The following ATXN1 variants were observed in gnomAD, a reference collection of about 807,000 sequenced individuals.
The protein encoded by ATXN1 is ataxin 1, also known as ataxin-1.
In ATXN1, 8 loss-of-function variants were observed where a neutral mutation model predicts 56.4. That is an observed-to-expected ratio of 0.14 (90% CI 0.08 to 0.26). The LOEUF (loss-of-function observed/expected upper bound fraction) is 0.26, where lower values mean the gene tolerates loss of function less well. Ranked by LOEUF, ATXN1 falls within the 10% of genes least tolerant of loss-of-function variation. ATXN1 has a pLI of 1.00. For synonymous variants in ATXN1, 514 were observed against 494.6 expected, an observed-to-expected ratio of 1.04 and a Z score of -0.52; for missense variants, 987 against 1,106.5, an observed-to-expected ratio of 0.89 and a Z score of 1.53.
At chr6:16,680,563 G>A (rs551976896) in intron 2 of ATXN1, among the ~76,000 whole-genome samples, 4 of 152,186 alleles carry the variant, frequency 2.6e-5, no homozygotes, top group Non-Finnish European at 5.9e-5. Flanking sequence ...TGGGGCAGGG[G>A]TGAGGCATCA....
intron 6 of ATXN1, among the ~76,000 whole-genome samples, chr6:16,350,038 C>T (rs1276011269): frequency 2.0e-5 from 3 of 152,132 alleles, no homozygotes; most frequent in African/African-American, 4.8e-5. Context: ...ATATGACTAA[C>T]GATTTAATTT....
intron 6 of ATXN1, among the ~76,000 whole-genome samples, chr6:16,354,798 G>T (rs1205891254): frequency 6.6e-6 from 1 of 152,128 alleles, no homozygotes; most frequent in East Asian, 1.9e-4. Flanking sequence ...TTTGTGATGG[G>T]TACAAGAAAT....
intron 6 of ATXN1, among the ~76,000 whole-genome samples, chr6:16,343,300 C>T (rs1338828472): frequency 6.6e-6 from 1 of 152,178 alleles, no homozygotes; most frequent in Non-Finnish European, 1.5e-5. Flanking sequence ...GCTGAGATCG[C>T]ACCACTGCAC....
intron 6 of ATXN1, among the ~76,000 whole-genome samples, chr6:16,397,931 C>A (rs1758489397): frequency 1.3e-5 from 2 of 152,190 alleles, no homozygotes; most frequent in East Asian, 3.8e-4. Flanking sequence ...TGTTGAGTTT[C>A]ATTGTCCCTG....
chr6:16,437,048 T>C (rs191417297), intron 6 of ATXN1, among the ~76,000 whole-genome samples: 4 of 152,006 alleles, frequency 2.6e-5, no homozygotes, highest in African/African-American at 9.7e-5. Context: ...GAGAAGCAGG[T>C]TGGGGTAGAA....
chr6:16,726,380 CAA>C lies in ATXN1; in HGVS notation c.-615+26851_-615+26852del, dbSNP rs10716233. On this transcript the variant is annotated intron_variant, in intron 2 of 7. Coordinates refer to ENST00000436367, the MANE Select transcript of ATXN1 (RefSeq NM_001128164.2). ...TGGGTGGCAGAGCAAGACTCTGTCT[CAA>C]AAAAAAAAAAAAAAAGGGAAGGGTT... Among the ~76,000 whole-genome samples the C allele has an allele frequency of 1.3e-3, 166 of 124,228 alleles. 1 individual carries two copies. Among genetic ancestry groups the C allele is most frequent in the African/African-American group, 1.8e-3 (61 of 33,710 alleles). 81.5% of individuals were successfully genotyped at this position (124,228 alleles called of 152,430 possible). A position where few individuals can be genotyped will look rare whatever the true frequency, so the allele number is the denominator to read the frequency against.
intron 4 of ATXN1, among the ~76,000 whole-genome samples, chr6:16,548,753 G>A (rs879545964): frequency 9.9e-5 from 15 of 151,890 alleles, no homozygotes; most frequent in African/African-American, 2.4e-4. Flanking sequence ...GTAAAACTCC[G>A]TCTCTGCTAA....
At chr6:16,364,168 C>A (rs1418011639) in intron 6 of ATXN1, among the ~76,000 whole-genome samples, 1 of 152,194 alleles carries the variant, frequency 6.6e-6, no homozygotes, top group Non-Finnish European at 1.5e-5. Flanking sequence ...TAAACCATGG[C>A]ACTTAGGCAG....
chr6:16,442,907 G>A (rs1206124278), intron 6 of ATXN1, among the ~76,000 whole-genome samples: 18 of 152,238 alleles, frequency 1.2e-4, no homozygotes, highest in Non-Finnish European at 2.4e-4. Flanking sequence ...ATCTACTCAG[G>A]AGGCTGAGGC....
At chr6:16,502,048 A>G (rs1760895608) in intron 5 of ATXN1, among the ~76,000 whole-genome samples, 1 of 152,226 alleles carries the variant, frequency 6.6e-6, no homozygotes, top group Non-Finnish European at 1.5e-5. Flanking sequence ...GATTTGCTGA[A>G]GATTTTCTTA....
intron 6 of ATXN1, among the ~76,000 whole-genome samples, chr6:16,335,524 C>T (rs1052854234): frequency 1.3e-5 from 2 of 152,130 alleles, no homozygotes; most frequent in African/African-American, 4.8e-5. Flanking sequence ...TAGAAGGAGT[C>T]CACACGAGGG....
chr6:16,597,722 T>C (rs1208722592), intron 3 of ATXN1, among the ~76,000 whole-genome samples: 1 of 152,218 alleles, frequency 6.6e-6, no homozygotes, highest in Non-Finnish European at 1.5e-5. Context: ...TTTGCAGGCG[T>C]GAGCCACCAT....
chr6:16,359,249 G>A (rs1335557970), intron 6 of ATXN1, among the ~76,000 whole-genome samples: 6 of 152,172 alleles, frequency 3.9e-5, no homozygotes, highest in Non-Finnish European at 8.8e-5. Flanking sequence ...CTGAAGGCTG[G>A]GGGCCGGGCT....
chr6:16,344,376 C>G (rs1453080193), intron 6 of ATXN1, among the ~76,000 whole-genome samples: 1 of 152,172 alleles, frequency 6.6e-6, no homozygotes, highest in Non-Finnish European at 1.5e-5. Context: ...GAGGGTGTTG[C>G]CAAAGGAGAT....
intron 4 of ATXN1, among the ~76,000 whole-genome samples, chr6:16,547,252 G>GT (rs1761831215): frequency 6.6e-6 from 1 of 152,184 alleles, no homozygotes; most frequent in Admixed American, 6.5e-5. Flanking sequence ...TAAAGATACA[G>GT]TATTTGGGGA....
At chr6:16,697,583 T>C (rs114664730) in intron 2 of ATXN1, among the ~76,000 whole-genome samples, 1,590 of 152,002 alleles carry the variant, frequency 0.01, 15 homozygotes, top group Non-Finnish European at 0.017. Context: ...TGTTTCCCCA[T>C]AGTTCCACCC....
intron 7 of ATXN1, among the ~76,000 whole-genome samples, chr6:16,310,922 C>T (rs55815465): frequency 6.6e-6 from 1 of 152,144 alleles, no homozygotes; most frequent in Non-Finnish European, 1.5e-5. Flanking sequence ...TTTGTTAACT[C>T]TGATTGATCT....
rs774042548 is a variant in ATXN1 at position 16,306,698 on chromosome 6, G to C, written c.2079C>G (p.Gly693=). Residue 693 remains glycine, a synonymous_variant, in exon 8 of 8, where the codon GGC becomes GGG. Coordinates refer to ENST00000436367, the MANE Select transcript of ATXN1 (RefSeq NM_001128164.2). The surrounding 1 kb of genome is among the most constrained non-coding windows in gnomAD (Gnocchi z 5.2). ...CCACGGGCTGGCCCTTTTTAACAGA[G>C]CCGTTCTTCAGGTTCTTGAGGGTAA... ...ISLTLKNLKN[G]SVKKGQPVDP... is the part of the protein sequence containing the mutation. The C allele has an allele frequency of 6.2e-7, 1 of 1,614,208 alleles. No individual in the cohort carries two copies. Among genetic ancestry groups the C allele is most frequent in the Admixed American group, 1.7e-5 (1 of 60,032 alleles).
chr6:16,315,098 C>T (rs1038036351), intron 7 of ATXN1, among the ~76,000 whole-genome samples: 5 of 152,132 alleles, frequency 3.3e-5, no homozygotes, highest in African/African-American at 1.2e-4. Context: ...CATTTGGACA[C>T]CAGTGACCAC....
Sources: allele counts gnomAD v4.1 joint callset (sites outside exome capture counted in the v4.1 genomes callset), GRCh38; gene constraint gnomAD v4.1.1; non-coding constraint Gnocchi (gnomAD v3.1); transcripts MANE v1.5; gene names NCBI Gene and HGNC (gene_info 2026-07-23, HGNC 2026-07-21).